SLC24A4: variants seen among roughly 807,000 people sequenced by gnomAD.
The protein encoded by SLC24A4 is sodium/potassium/calcium exchanger 4.
SLC24A4 carries 53 observed loss-of-function variants against 79.0 expected under a neutral mutation model. The ratio of observed to expected loss-of-function variants is 0.67; its 90% CI spans 0.54 to 0.84. The LOEUF (loss-of-function observed/expected upper bound fraction) is 0.84. Among genes scored for constraint, SLC24A4 ranks in the 40% least tolerant of loss-of-function variants. The pLI is 0.00. For missense variants in SLC24A4, 731 were observed against 822.0 expected (o/e 0.89, Z 1.35); for synonymous variants, 323 against 323.8 (o/e 1.00, Z 0.03).
intron 3 of SLC24A4, among the ~76,000 whole-genome samples, chr14:92,436,267 A>G (rs112437322): frequency 0.023 from 3,473 of 152,286 alleles, 117 homozygotes; most frequent in African/African-American, 0.072. Flanking sequence ...TATCACGAGA[A>G]CAGCATGGGA....
At chr14:92,491,458 T>G (rs1595366537) in intron 14 of SLC24A4, among the ~76,000 whole-genome samples, 1 of 152,142 alleles carries the variant, frequency 6.6e-6, no homozygotes, top group Non-Finnish European at 1.5e-5. Context: ...ACATATGAAT[T>G]TGGAGGGTCA....
chr14:92,489,313 C>T (rs1331135222), intron 14 of SLC24A4, among the ~76,000 whole-genome samples: 5 of 152,094 alleles, frequency 3.3e-5, no homozygotes, highest in Non-Finnish European at 7.4e-5. Context: ...GTGGTGCACA[C>T]CTGTAATTGC....
chr14:92,340,748 G>A (rs879913833), intron 2 of SLC24A4, among the ~76,000 whole-genome samples: 2 of 152,024 alleles, frequency 1.3e-5, no homozygotes, highest in Non-Finnish European at 2.9e-5. Context: ...GAGGGGGCAC[G>A]GATCCCCCTA....
chr14:92,453,969 C>T lies in SLC24A4; in HGVS notation c.950C>T (p.Pro317Leu). Residue 317 changes from proline to leucine, a missense_variant, in exon 11 of 17, where the codon CCC becomes CTC. By Grantham distance (98) the Pro-to-Leu change is moderately conservative. Transcript: ENST00000532405. ...MVDEIMSSSP[P>L]KFTFPEAGLR... ...GACGAGATTATGAGCTCCAGCCCTC[C>T]CAAGTTCACCTTCCCTGAAGCAGGC... The T allele has an allele frequency of 1.2e-6, 2 of 1,613,790 alleles. No homozygotes were observed. The highest frequency in any genetic ancestry group is 4.5e-5 in the East Asian group (2 of 44,858).
At chr14:92,384,823 T>G (rs764403460) in intron 2 of SLC24A4, among the ~76,000 whole-genome samples, 1 of 152,082 alleles carries the variant, frequency 6.6e-6, no homozygotes, top group Non-Finnish European at 1.5e-5. Context: ...AAAGCCTTGC[T>G]CAGGCTGGCC....
At chr14:92,486,269 A>G (rs1895352604) in intron 13 of SLC24A4, among the ~76,000 whole-genome samples, 1 of 152,250 alleles carries the variant, frequency 6.6e-6, no homozygotes. Flanking sequence ...TGACTTCTGT[A>G]AAGTCACACA....
chr14:92,413,232 T>C (rs1286595942), intron 2 of SLC24A4, among the ~76,000 whole-genome samples: 1 of 152,148 alleles, frequency 6.6e-6, no homozygotes, highest in Non-Finnish European at 1.5e-5. Context: ...TGAAACTTGG[T>C]GTCCTCTGAT....
At chr14:92,436,213 A>C (rs1283697639) in intron 3 of SLC24A4, among the ~76,000 whole-genome samples, 3 of 152,220 alleles carry the variant, frequency 2.0e-5, no homozygotes, top group Non-Finnish European at 4.4e-5. Context: ...AGAGCAGGGA[A>C]AACTGCCTTA....
intron 12 of SLC24A4, among the ~76,000 whole-genome samples, chr14:92,458,424 T>TG (rs1388955665): frequency 1.3e-5 from 2 of 152,120 alleles, no homozygotes; most frequent in Non-Finnish European, 2.9e-5. Context: ...ACCTGCTCTG[T>TG]GGGGAACAGG....
At chr14:92,415,446 T>TTTTATTTATTTATTA (rs1430872935) in intron 2 of SLC24A4, among the ~76,000 whole-genome samples, 7 of 152,084 alleles carry the variant, frequency 4.6e-5, no homozygotes, top group Non-Finnish European at 1.0e-4. Context: ...ATGTTTTTAT[T>TTTTATTTATTTATTA]TTTATTTATT....
At chr14:92,445,243 G>C in intron 7 of SLC24A4, 74 bp from the exon 8 acceptor site, 1 of 1,565,518 alleles carries the variant, frequency 6.4e-7, no homozygotes, top group Non-Finnish European at 8.8e-7. Context: ...CTGGGTGCCT[G>C]GGTGTCCGTG....
chr14:92,354,050 G>C (rs1178813515), intron 2 of SLC24A4, among the ~76,000 whole-genome samples: 1 of 152,232 alleles, frequency 6.6e-6, no homozygotes, highest in African/African-American at 2.4e-5. Flanking sequence ...AGAACTGCCG[G>C]TGGAAACCTG....
intron 2 of SLC24A4, among the ~76,000 whole-genome samples, chr14:92,418,671 TTTG>T (rs1400251525): frequency 1.3e-5 from 2 of 151,968 alleles, no homozygotes; most frequent in African/African-American, 4.8e-5. Context: ...TTGTTGTTGT[TTTG>T]TTGTTTGTTT....
chr14:92,332,657 C>T (rs1885544513), intron 2 of SLC24A4, among the ~76,000 whole-genome samples: 1 of 152,158 alleles, frequency 6.6e-6, no homozygotes, highest in Non-Finnish European at 1.5e-5. Context: ...TCAAAGGTAC[C>T]TCCACCTCAG....
rs186891998 is a variant in SLC24A4 at position 92,464,274 on chromosome 14, G to A, written c.1255+7666G>A. Among the ~76,000 whole-genome samples, 73 of 152,298 alleles carry A rather than the reference G, an allele frequency of 4.8e-4. 1 individual carries two copies. The East Asian group carries it at 0.011, about 23-fold the overall frequency. On this transcript the variant is annotated intron_variant, in intron 12 of 16. Transcript: ENST00000532405. ...CCAAAGTGGGAAACTGAGAACCGGA[G>A]AGGACCAGCGGCTTGCCCAAGGGAC... is the stretch of plus-strand genomic sequence containing the variant.
At chr14:92,385,715 C>A (rs59864045) in intron 2 of SLC24A4, among the ~76,000 whole-genome samples, 35,871 of 151,918 alleles carry the variant, frequency 0.24, 4,589 homozygotes, top group African/African-American at 0.33. Flanking sequence ...GGGGCTTCTG[C>A]GCACCGGCTA....
intron 2 of SLC24A4, among the ~76,000 whole-genome samples, chr14:92,356,917 G>A (rs1231726653): frequency 1.3e-5 from 2 of 152,200 alleles, no homozygotes; most frequent in South Asian, 2.1e-4. Context: ...TGCTTTAAAC[G>A]CTGAATGAAT....
In SLC24A4 at chr14:92,501,270, T is replaced by C. The variant is rs1244880195; in HGVS notation, c.*7642T>C. 2 of 152,252 alleles carry C rather than the reference T, an allele frequency of 1.3e-5. No individual in the cohort carries two copies. Among genetic ancestry groups the C allele is most frequent in the Non-Finnish European group, 2.9e-5 (2 of 68,048 alleles). 9.4% of individuals were successfully genotyped at this position (152,252 alleles called of 1,614,324 possible). ...CTGTGACCTCCTGCACTGTGAATGC[T>C]CTGTGACATGAGATTCTTAGTTTAA... On this transcript the variant is annotated 3_prime_UTR_variant, in exon 17 of 17. Transcript: ENST00000532405.
At chr14:92,390,961 A>G (rs1335231339) in intron 2 of SLC24A4, among the ~76,000 whole-genome samples, 3 of 152,104 alleles carry the variant, frequency 2.0e-5, no homozygotes, top group African/African-American at 7.2e-5. Context: ...GGCTCTTTCC[A>G]TCTTGCAGCT....
Sources: gnomAD v4.1 joint callset for allele counts (sites outside exome capture counted in the v4.1 genomes callset) on GRCh38, gnomAD v4.1.1 for gene constraint, MANE v1.5 for transcripts, NCBI Gene and HGNC (gene_info 2026-07-23, HGNC 2026-07-21) for gene names.